Variants in PCDHGB1 observed in about 807,000 individuals in gnomAD.
PCDHGB1 encodes the protein protocadherin gamma-B1.
Under a neutral mutation model 56.6 loss-of-function variants are expected in PCDHGB1, and 34 were observed. The ratio of observed to expected loss-of-function variants is 0.60; its 90% CI spans 0.46 to 0.80. PCDHGB1 has a LOEUF of 0.80. PCDHGB1 is among the 30% of genes least tolerant of loss of function. The pLI, the probability that PCDHGB1 is intolerant of heterozygous loss-of-function variation, is 0.00. For missense variants in PCDHGB1, 1,278 were observed against 1,204.6 expected, an observed-to-expected ratio of 1.06 and a Z score of -0.90; for synonymous variants, 561 against 505.9, an observed-to-expected ratio of 1.11 and a Z score of -1.46.
At chr5:141,406,421 A>G (rs981815055) in intron 1 of PCDHGB1, among the ~76,000 whole-genome samples, 2 of 152,222 alleles carry the variant, frequency 1.3e-5, no homozygotes, top group East Asian at 1.9e-4. Flanking sequence ...GAAAGCCCAG[A>G]TTTATTGCTT....
intron 1 of PCDHGB1, among the ~76,000 whole-genome samples, chr5:141,488,417 C>T (rs2099675171): frequency 6.6e-6 from 1 of 152,224 alleles, no homozygotes; most frequent in Non-Finnish European, 1.5e-5. Context: ...GCCAAGCCAT[C>T]CATGCTTGGC....
chr5:141,352,634 C>T lies in PCDHGB1; in HGVS notation c.2374C>T (p.His792Tyr), dbSNP rs765189587. The change falls in exon 1 of 4, where the codon CAC becomes TAC. Residue 792 changes from histidine (H) to tyrosine (Y), a missense_variant. Physicochemically the swap from His to Tyr is moderately conservative, Grantham distance 83. Coordinates refer to ENST00000523390, the MANE Select transcript of PCDHGB1 (RefSeq NM_018922.3). ...SMVVCASNEDHKIAYDPSLSS... is the reference protein window; with the variant it reads ...SMVVCASNEDYKIAYDPSLSS... The stretch of plus-strand genomic sequence containing the variant: ...GGTTGTATGTGCCAGTAATGAAGAT[C>T]ACAAAATCGCTTATGACCCTTCTTT... 1 of 1,609,970 alleles carries T rather than the reference C, an allele frequency of 6.2e-7. No individual in the cohort carries two copies. The highest frequency in any genetic ancestry group is 1.1e-5 in the South Asian group (1 of 90,656).
chr5:141,438,617 TATATATATATATATATATACACAC>T (rs1311176771), intron 1 of PCDHGB1, among the ~76,000 whole-genome samples: 58 of 37,154 alleles, frequency 1.6e-3, no homozygotes, highest in African/African-American at 7.8e-3. Flanking sequence ...TATATATATA[TATATATATATATATATATACACAC>T]ACACACACAC....
intron 1 of PCDHGB1, chr5:141,423,091 G>GCGTAC (rs2096708211): frequency 2.5e-6 from 4 of 1,613,908 alleles, no homozygotes; most frequent in African/African-American, 2.7e-5. Context: ...CGCGGTGGGG[G>GCGTAC]AGCACACGGG....
intron 1 of PCDHGB1, chr5:141,410,489 G>T (rs1233643247): frequency 1.9e-6 from 3 of 1,613,854 alleles, no homozygotes; most frequent in Non-Finnish European, 1.7e-6. Context: ...GGGTACAAAA[G>T]AGTTTAATTT....
chr5:141,382,939 T>C (rs765145573), intron 1 of PCDHGB1: 3 of 1,594,910 alleles, frequency 1.9e-6, no homozygotes, highest in South Asian at 2.2e-5. Context: ...CAGAGGATTC[T>C]TCCTGCTCTC....
intron 1 of PCDHGB1, chr5:141,409,356 A>G: frequency 6.2e-7 from 1 of 1,614,004 alleles, no homozygotes; most frequent in Non-Finnish European, 8.5e-7. Context: ...GTCAGGTGTA[A>G]TATAGAAACA....
intron 1 of PCDHGB1, chr5:141,400,578 T>C: frequency 6.2e-7 from 1 of 1,610,934 alleles, no homozygotes; most frequent in Non-Finnish European, 8.5e-7. Context: ...TTTCTGTATT[T>C]ACATGAAACT....
intron 2 of PCDHGB1, among the ~76,000 whole-genome samples, chr5:141,500,985 C>T (rs2099804537): frequency 6.6e-6 from 1 of 152,048 alleles, no homozygotes; most frequent in Non-Finnish European, 1.5e-5. Flanking sequence ...TCTCCTGCCT[C>T]AGCCTCCTGA....
intron 1 of PCDHGB1, chr5:141,403,389 C>A (rs764725441): frequency 1.9e-6 from 3 of 1,614,050 alleles, no homozygotes; most frequent in Non-Finnish European, 2.5e-6. Flanking sequence ...AACGAAATCG[C>A]GGTTCCTGGA....
At chr5:141,357,053 C>T (rs1561513386) in intron 1 of PCDHGB1, 1 of 1,614,020 alleles carries the variant, frequency 6.2e-7, no homozygotes, top group Non-Finnish European at 8.5e-7. Context: ...GGACTATTTG[C>T]AGTGGGGCTG....
At chr5:141,392,820 G>T in intron 1 of PCDHGB1, 1 of 1,592,868 alleles carries the variant, frequency 6.3e-7, no homozygotes. Flanking sequence ...AACAATGGCC[G>T]CTCCACAGAG....
chr5:141,383,020 A>T (rs1778718840), intron 1 of PCDHGB1: 1 of 1,613,730 alleles, frequency 6.2e-7, no homozygotes, highest in African/African-American at 1.3e-5. Context: ...GGAGACGGAC[A>T]AAGGGTCCTT....
chr5:141,451,037 C>T (rs1293972996), intron 1 of PCDHGB1, among the ~76,000 whole-genome samples: 1 of 151,594 alleles, frequency 6.6e-6, no homozygotes, highest in Middle Eastern at 3.2e-3. Context: ...ACCATATTGG[C>T]CAGGCTGGTC....
chr5:141,409,491 C>T (rs747701093), intron 1 of PCDHGB1: 3 of 1,613,994 alleles, frequency 1.9e-6, no homozygotes, highest in East Asian at 2.2e-5. Flanking sequence ...AGGGGCAAGC[C>T]GCCTCTTTCT....
chr5:141,417,947 T>A (rs958624664), intron 1 of PCDHGB1: 53 of 1,613,420 alleles, frequency 3.3e-5, no homozygotes, highest in Middle Eastern at 1.7e-4. Context: ...CCCCACGCTG[T>A]GTGAGCCGAT....
chr5:141,472,045 TA>T (rs1227282207), intron 1 of PCDHGB1, among the ~76,000 whole-genome samples: 3 of 152,170 alleles, frequency 2.0e-5, no homozygotes, highest in Non-Finnish European at 4.4e-5. Flanking sequence ...GAAAAGATTT[TA>T]AAAATGATTG....
At chr5:141,501,198 G>C (rs2299024) in intron 2 of PCDHGB1, among the ~76,000 whole-genome samples, 89,086 of 151,686 alleles carry the variant, frequency 0.59, 27,759 homozygotes, top group African/African-American at 0.8. Context: ...TAAATTCAGG[G>C]TGTTGTCAGG....
At position 141,487,047 on chromosome 5, in the gene PCDHGB1, C is replaced by T; in HGVS notation, c.2410-7760C>T. The T allele has an allele frequency of 6.2e-7, 1 of 1,614,188 alleles. No individual in the cohort carries two copies. Among genetic ancestry groups the T allele is most frequent in the Non-Finnish European group, 8.5e-7 (1 of 1,180,032 alleles). ...AGCCTGTTTGCAGTCTCTCGATATGCTGGGGAGGTGCGGACGGCTGTTCCT... is the reference window on the plus strand; with the variant it reads ...AGCCTGTTTGCAGTCTCTCGATATGTTGGGGAGGTGCGGACGGCTGTTCCT... On this transcript the variant is annotated intron_variant, in intron 1 of 3. Coordinates refer to ENST00000523390, the MANE Select transcript of PCDHGB1 (RefSeq NM_018922.3). This position sits in a 1 kb window ranked among gnomAD's most constrained non-coding sequence, Gnocchi z 5.0.
Sources: gnomAD v4.1 joint callset for allele counts (sites outside exome capture counted in the v4.1 genomes callset) on GRCh38, gnomAD v4.1.1 for gene constraint, Gnocchi (gnomAD v3.1) non-coding constraint, MANE v1.5 for transcripts, NCBI Gene and HGNC (gene_info 2026-07-23, HGNC 2026-07-21) for gene names.